The following EDA variants were observed in gnomAD, a reference collection of about 807,000 sequenced individuals.
EDA encodes the protein ectodysplasin-A.
Under a neutral mutation model 23.6 loss-of-function variants are expected in EDA, and 2 were observed. The observed-to-expected ratio is 0.08, with a 90% CI of 0.03 to 0.27. EDA has a LOEUF of 0.27. Ranked by LOEUF, EDA falls within the 10% of genes least tolerant of loss-of-function variation. The pLI is 1.00. For synonymous variants in EDA, 131 were observed against 132.0 expected, an observed-to-expected ratio of 0.99 and a Z score of 0.05; for missense variants, 229 against 324.2, an observed-to-expected ratio of 0.71 and a Z score of 2.26.
rs759747665 is a variant in EDA at position 69,830,434 on chromosome X, G to A, written c.397-126593G>A. ...TGCTGAGGTAATTGGTTAGCCACAC[G>A]TTGTATATGTTATTATTATGGCTTT... is the stretch of plus-strand genomic sequence containing the variant. On this transcript the variant is annotated intron_variant, in intron 1 of 7. Coordinates refer to ENST00000374552, the MANE Select transcript of EDA (RefSeq NM_001399.5). 5.4e-5 allele frequency among the ~76,000 whole-genome samples: 6 copies of A among 111,523 alleles called. No homozygotes were observed. In the East Asian group the frequency reaches 1.7e-3, roughly 31 times the overall value.
At chrX:69,807,587 T>C (rs2015844491) in intron 1 of EDA, among the ~76,000 whole-genome samples, 1 of 107,570 alleles carries the variant, frequency 9.3e-6, no homozygotes, top group African/African-American at 3.4e-5. Flanking sequence ...TAAAGACAAG[T>C]TGGGGAGTTA....
intron 1 of EDA, among the ~76,000 whole-genome samples, chrX:69,778,348 T>G (rs971041791): frequency 4.3e-4 from 48 of 111,216 alleles, no homozygotes; most frequent in African/African-American, 1.5e-3. Flanking sequence ...GGTTCTTGAT[T>G]GAGAAAAAAT....
chrX:69,938,032 G>C (rs1371679235), intron 1 of EDA: 1 of 1,146,718 alleles, frequency 8.7e-7, no homozygotes, highest in Non-Finnish European at 1.2e-6. Context: ...AGGGCACAAG[G>C]GAGTCTAGAT....
At chrX:69,831,068 T>C (rs1279501617) in intron 1 of EDA, among the ~76,000 whole-genome samples, 1 of 111,673 alleles carries the variant, frequency 9.0e-6, no homozygotes, top group African/African-American at 3.3e-5. Context: ...GAAATCCTTT[T>C]ATTATTATTA....
intron 1 of EDA, among the ~76,000 whole-genome samples, chrX:69,814,300 G>A: frequency 8.9e-6 from 1 of 112,277 alleles, no homozygotes; most frequent in Non-Finnish European, 1.9e-5. Context: ...CCCAGATTTG[G>A]AACTACCTCA....
chrX:70,002,931 A>G lies in EDA; in HGVS notation c.503-20287A>G, dbSNP rs1161250107. Reference sequence around the variant, plus strand: ...CAGAATTATTCACTATACAGAGTTCATTGTAACCAGATTGACAAAGCACTA... The same window carrying G: ...CAGAATTATTCACTATACAGAGTTCGTTGTAACCAGATTGACAAAGCACTA... On this transcript the variant is annotated intron_variant, in intron 2 of 7. Coordinates refer to ENST00000374552, the MANE Select transcript of EDA (RefSeq NM_001399.5). Among the ~76,000 whole-genome samples, 3 of 112,462 alleles carry G rather than the reference A, an allele frequency of 2.7e-5. No individual in the cohort carries two copies. In the Admixed American group the frequency reaches 2.8e-4, roughly 11 times the overall value.
chrX:69,998,462 G>A (rs1208936639), intron 2 of EDA, among the ~76,000 whole-genome samples: 1 of 112,120 alleles, frequency 8.9e-6, no homozygotes, highest in Non-Finnish European at 1.9e-5. Context: ...CAGGCTCATA[G>A]GCAGAAGGGA....
chrX:69,862,199 A>T (rs2017397322), intron 1 of EDA, among the ~76,000 whole-genome samples: 1 of 111,064 alleles, frequency 9.0e-6, no homozygotes, highest in African/African-American at 3.3e-5. Flanking sequence ...GTTCTCCACC[A>T]CATGGGCCTC....
At chrX:69,815,084 AG>A (rs779272338) in intron 1 of EDA, among the ~76,000 whole-genome samples, 3 of 112,022 alleles carry the variant, frequency 2.7e-5, no homozygotes, top group African/African-American at 9.7e-5. Context: ...TTATCTCACA[AG>A]TTAAGACCCA....
intron 2 of EDA, among the ~76,000 whole-genome samples, chrX:70,020,475 C>T (rs2020016602): frequency 9.1e-6 from 1 of 109,781 alleles, no homozygotes; most frequent in Non-Finnish European, 1.9e-5. Flanking sequence ...AGGAGAATGG[C>T]GTGAACCCGG....
At chrX:69,674,679 C>T (rs375301474) in intron 1 of EDA, among the ~76,000 whole-genome samples, 1 of 112,023 alleles carries the variant, frequency 8.9e-6, no homozygotes, top group African/African-American at 3.2e-5. Flanking sequence ...CTTTTGCCTT[C>T]ATGTCCTGAC....
rs1283987968 is a variant in EDA at position 69,852,230 on chromosome X, A to G, written c.397-104797A>G. Among the ~76,000 whole-genome samples the G allele has an allele frequency of 3.6e-5, 4 of 111,190 alleles. No homozygotes were observed. The East Asian group carries it at 8.6e-4, about 24-fold the overall frequency. The stretch of plus-strand genomic sequence containing the variant: ...CCGCAACCTCCGCTTCCTGGGTTCA[A>G]GTGATTCTCCTGCCTTAGCTTCCCA... On this transcript the variant is annotated intron_variant, in intron 1 of 7. Transcript: ENST00000374552.
chrX:69,713,390 G>A (rs751282516), intron 1 of EDA, among the ~76,000 whole-genome samples: 2 of 111,496 alleles, frequency 1.8e-5, no homozygotes, highest in African/African-American at 6.5e-5. Flanking sequence ...AGATTTACTT[G>A]TAGTCGTATA....
chrX:70,034,442 A>T (rs1467321677), intron 7 of EDA, among the ~76,000 whole-genome samples: 1 of 111,588 alleles, frequency 9.0e-6, no homozygotes, highest in Non-Finnish European at 1.9e-5. Context: ...TCATAAAATG[A>T]TTTACGGTGA....
rs985237255 is a variant in EDA, at chrX:69,965,094, C to G, written c.502+7962C>G. Among the ~76,000 whole-genome samples, 4 of 111,787 alleles carry G rather than the reference C, an allele frequency of 3.6e-5. No homozygotes were observed. The East Asian group carries it at 1.1e-3, about 31-fold the overall frequency. On this transcript the variant is annotated intron_variant, in intron 2 of 7. Transcript: ENST00000374552. ...TAAGCACAGGGTGCTATGGGACACA[C>G]TGGCACCTGATCTAGACTTGGGAGG...
At chrX:69,802,990 C>T (rs2015729245) in intron 1 of EDA, among the ~76,000 whole-genome samples, 1 of 111,305 alleles carries the variant, frequency 9.0e-6, no homozygotes, top group Admixed American at 9.6e-5. Flanking sequence ...GCCACCTGTA[C>T]TTAAAGAACT....
intron 1 of EDA, among the ~76,000 whole-genome samples, chrX:69,761,577 A>G (rs2014309464): frequency 9.0e-6 from 1 of 111,565 alleles, no homozygotes; most frequent in South Asian, 3.8e-4. Flanking sequence ...GCTTGCAGCT[A>G]TTGACATAAT....
chrX:69,918,990 C>CAA (rs370182402), intron 1 of EDA, among the ~76,000 whole-genome samples: 23 of 96,010 alleles, frequency 2.4e-4, no homozygotes, highest in Middle Eastern at 5.2e-3. Context: ...ATCCCCATTA[C>CAA]AAAAAAAAAA....
chrX:69,923,698 T>G (rs1395196566), intron 1 of EDA, among the ~76,000 whole-genome samples: 1 of 111,786 alleles, frequency 8.9e-6, no homozygotes, highest in Non-Finnish European at 1.9e-5. Flanking sequence ...GTAATGAGAT[T>G]GTTGGGTCAA....
Sources: gnomAD v4.1 joint callset for allele counts (sites outside exome capture counted in the v4.1 genomes callset) on GRCh38, gnomAD v4.1.1 for gene constraint, MANE v1.5 for transcripts, NCBI Gene and HGNC (gene_info 2026-07-23, HGNC 2026-07-21) for gene names.